Variants in CSMD2 observed in about 807,000 individuals in gnomAD.
CSMD2 encodes the protein CUB and Sushi multiple domains 2, also known as CUB and sushi domain-containing protein 2.
Under a neutral mutation model 398.5 loss-of-function variants are expected in CSMD2, and 130 were observed. The observed-to-expected ratio is 0.33, with a 90% CI of 0.28 to 0.38. The LOEUF (loss-of-function observed/expected upper bound fraction) is 0.38. Among genes scored for constraint, CSMD2 ranks in the 10% least tolerant of loss-of-function variants. CSMD2 has a pLI of 1.00. For synonymous variants in CSMD2, 1,828 were observed against 1,908.5 expected (o/e 0.96, Z 1.10); for missense variants, 3,829 against 4,764.9 (o/e 0.80, Z 5.78).
At chr1:33,841,740 A>G (rs1660876322) in intron 6 of CSMD2, among the ~76,000 whole-genome samples, 1 of 152,200 alleles carries the variant, frequency 6.6e-6, no homozygotes, top group Admixed American at 6.5e-5. Flanking sequence ...AATACCCACT[A>G]CATAAAATAC....
chr1:34,043,025 G>A (rs1354137656), intron 2 of CSMD2, among the ~76,000 whole-genome samples: 3 of 152,008 alleles, frequency 2.0e-5, no homozygotes, highest in Non-Finnish European at 2.9e-5. Flanking sequence ...TTCTGAACTC[G>A]TGATCTGCCC....
intron 3 of CSMD2, among the ~76,000 whole-genome samples, chr1:33,980,145 G>A (rs2147951536): frequency 6.6e-6 from 1 of 152,188 alleles, no homozygotes; most frequent in East Asian, 1.9e-4. Context: ...TCTGGAACCT[G>A]GCCAGTTACA....
intron 2 of CSMD2, among the ~76,000 whole-genome samples, chr1:34,074,663 G>C (rs1571013523): frequency 6.6e-6 from 1 of 152,360 alleles, no homozygotes; most frequent in East Asian, 1.9e-4. Context: ...AAGTAAAAGA[G>C]AAAGAGTTCT....
chr1:34,104,029 A>G (rs1482687929), intron 1 of CSMD2, among the ~76,000 whole-genome samples: 3 of 152,184 alleles, frequency 2.0e-5, no homozygotes, highest in African/African-American at 4.8e-5. Flanking sequence ...GATTAATGTG[A>G]TATCTGCTGA....
chr1:33,821,374 G>A (rs371100354), intron 7 of CSMD2, among the ~76,000 whole-genome samples: 4 of 152,182 alleles, frequency 2.6e-5, no homozygotes, highest in Admixed American at 6.5e-5. Context: ...CCTTTTCGTC[G>A]GGATGCTGGT....
At chr1:33,762,767 G>A (rs1056218432) in intron 13 of CSMD2, among the ~76,000 whole-genome samples, 3 of 152,144 alleles carry the variant, frequency 2.0e-5, no homozygotes, top group Non-Finnish European at 4.4e-5. Context: ...TAAAATAAAA[G>A]CACATGCTTA....
At chr1:33,986,225 C>T (rs1646354103) in intron 3 of CSMD2, among the ~76,000 whole-genome samples, 1 of 152,202 alleles carries the variant, frequency 6.6e-6, no homozygotes, top group African/African-American at 2.4e-5. Context: ...TCTGGGGATA[C>T]AAGGCTCAGG....
rs193230155 is a variant in CSMD2, at chr1:33,869,735, C to G, written c.921-22739G>C. On this transcript the variant is annotated intron_variant, in intron 5 of 70. Coordinates refer to ENST00000373381, the MANE Select transcript of CSMD2 (RefSeq NM_001281956.2). ...TGCGTAGGAGGCATGGCTCATCTGGCTGGTGGGTTTGGGAGGAGGAGCAGA... is the reference window on the plus strand; with the variant it reads ...TGCGTAGGAGGCATGGCTCATCTGGGTGGTGGGTTTGGGAGGAGGAGCAGA... Among the ~76,000 whole-genome samples, 33 of 152,284 alleles carry G rather than the reference C, an allele frequency of 2.2e-4. No individual in the cohort carries two copies. The East Asian group carries it at 5.6e-3, about 26-fold the overall frequency.
chr1:34,028,229 G>A (rs1033990047), intron 3 of CSMD2, among the ~76,000 whole-genome samples: 70 of 152,098 alleles, frequency 4.6e-4, no homozygotes, highest in African/African-American at 1.4e-3. Flanking sequence ...GCTGAGGCAG[G>A]AGGCTGAACC....
chr1:34,074,446 A>G lies in CSMD2; in HGVS notation c.404+14531T>C, dbSNP rs538650336. The stretch of plus-strand genomic sequence containing the variant: ...TACACCAGCCAAAATGAACCTACCC[A>G]TTGTCATTCTGCACCTCACCTTTCT... On this transcript the variant is annotated intron_variant, in intron 2 of 70. Coordinates refer to ENST00000373381, the MANE Select transcript of CSMD2 (RefSeq NM_001281956.2). 3.3e-5 allele frequency among the ~76,000 whole-genome samples: 5 copies of G among 152,028 alleles called. No individual in the cohort carries two copies. In the East Asian group the frequency reaches 7.8e-4, roughly 24 times the overall value.
chr1:33,947,879 T>C (rs992580791), intron 3 of CSMD2, among the ~76,000 whole-genome samples: 3 of 152,184 alleles, frequency 2.0e-5, no homozygotes, highest in Non-Finnish European at 2.9e-5. Flanking sequence ...ACTGTGCCCA[T>C]TGGACAGGAG....
In CSMD2 at chr1:33,519,806, C is replaced by A. The variant is rs376968534; in HGVS notation, c.10736+6G>T. ...ATGCCCGCCCTGCCTCCTTCCTGCA[C>A]GGTACCTGTGCTTGTAGAGATAGAG... On this transcript the variant is annotated splice_donor_region_variant and intron_variant, in intron 69 of 70. Transcript: ENST00000373381. This position sits in a 1 kb window ranked among gnomAD's most constrained non-coding sequence, Gnocchi z 5.6. 1 of 1,613,786 alleles carries A rather than the reference C, an allele frequency of 6.2e-7. No homozygotes were observed. The highest frequency in any genetic ancestry group is 1.1e-5 in the South Asian group (1 of 91,048).
chr1:33,710,487 C>T (rs947528695), intron 21 of CSMD2, among the ~76,000 whole-genome samples: 8 of 152,108 alleles, frequency 5.3e-5, no homozygotes, highest in African/African-American at 1.9e-4. Context: ...AATTAGGTTC[C>T]GGAAGGATGT....
intron 2 of CSMD2, among the ~76,000 whole-genome samples, chr1:34,077,128 A>G (rs1480700109): frequency 6.6e-6 from 1 of 151,398 alleles, no homozygotes; most frequent in African/African-American, 2.4e-5. Flanking sequence ...GAACGCATCC[A>G]TAAAGAAAGA....
At chr1:33,716,630 T>C (rs1054983361) in intron 19 of CSMD2, 129 bp from the exon 20 acceptor site, 5 of 659,602 alleles carry the variant, frequency 7.6e-6, no homozygotes, top group African/African-American at 3.6e-5. Context: ...CAAGCATGCA[T>C]TGACAAATCA....
Position 34,031,209 on chromosome 1 carries a change from T to C in CSMD2, c.517+1385A>G, listed in dbSNP as rs1477503698. Reference sequence around the variant, plus strand: ...TCCCAAGTAGCTGGGATTACAGGTGTGTAACACCATGCCCGGCTAATTTTT... The same window carrying C: ...TCCCAAGTAGCTGGGATTACAGGTGCGTAACACCATGCCCGGCTAATTTTT... On this transcript the variant is annotated intron_variant, in intron 3 of 70. Coordinates refer to ENST00000373381, the MANE Select transcript of CSMD2 (RefSeq NM_001281956.2). 4.6e-5 allele frequency among the ~76,000 whole-genome samples: 7 copies of C among 151,826 alleles called. No individual in the cohort carries two copies. The East Asian group carries it at 1.4e-3, about 30-fold the overall frequency.
At chr1:33,543,691 G>A (rs1308779625) in intron 57 of CSMD2, among the ~76,000 whole-genome samples, 1 of 152,194 alleles carries the variant, frequency 6.6e-6, no homozygotes, top group Non-Finnish European at 1.5e-5. Flanking sequence ...TTGGAAAGTG[G>A]TGATATTCTA....
Position 33,642,118 on chromosome 1 carries a change from G to A in CSMD2, c.4774+4530C>T, listed in dbSNP as rs1643142413. Among the ~76,000 whole-genome samples the A allele has an allele frequency of 3.3e-5, 5 of 152,040 alleles. No individual in the cohort carries two copies. The South Asian group carries it at 1.0e-3, about 32-fold the overall frequency. The stretch of plus-strand genomic sequence containing the variant: ...GTATCACACTTTGGGAGGCCAAGGT[G>A]GGTGGATCACTGGAGGTCAGGAGTT... On this transcript the variant is annotated intron_variant, in intron 29 of 70. Transcript: ENST00000373381.
chr1:34,069,449 A>T (rs1170850193), intron 2 of CSMD2, among the ~76,000 whole-genome samples: 2 of 152,206 alleles, frequency 1.3e-5, no homozygotes, highest in Non-Finnish European at 2.9e-5. Context: ...TGCATACATC[A>T]GCTCAAAGAA....
Sources: allele counts gnomAD v4.1 joint callset (sites outside exome capture counted in the v4.1 genomes callset), GRCh38; gene constraint gnomAD v4.1.1; non-coding constraint Gnocchi (gnomAD v3.1); transcripts MANE v1.5; gene names NCBI Gene and HGNC (gene_info 2026-07-23, HGNC 2026-07-21).